Variants in PIK3R5 observed in about 807,000 individuals in gnomAD.
PIK3R5 encodes the protein phosphoinositide 3-kinase regulatory subunit 5.
A neutral mutation model predicts 94.9 loss-of-function variants in PIK3R5; 32 were observed. The ratio of observed to expected loss-of-function variants is 0.34; its 90% CI spans 0.25 to 0.45. PIK3R5 has a LOEUF of 0.45. PIK3R5 is among the 20% of genes least tolerant of loss of function. The probability of loss-of-function intolerance (pLI) is 1.00; values close to 1 mark genes in which losing one functional copy is unlikely to be tolerated. For missense variants in PIK3R5, 853 were observed against 1,144.6 expected, an observed-to-expected ratio of 0.75 and a Z score of 3.68; for synonymous variants, 443 against 479.4, an observed-to-expected ratio of 0.92 and a Z score of 0.99.
intron 1 of PIK3R5, among the ~76,000 whole-genome samples, chr17:8,947,498 C>T (rs555218746): frequency 5.1e-4 from 77 of 151,920 alleles, no homozygotes; most frequent in Non-Finnish European, 1.0e-3. Flanking sequence ...GAATTGTTTC[C>T]GTGCGTATCT....
chr17:8,897,535 G>C (rs1393823358), intron 5 of PIK3R5, among the ~76,000 whole-genome samples: 1 of 152,222 alleles, frequency 6.6e-6, no homozygotes, highest in East Asian at 1.9e-4. Context: ...CACCACCCTG[G>C]TGAGAGTCAC....
At chr17:8,901,232 C>G (rs977361977) in intron 5 of PIK3R5, among the ~76,000 whole-genome samples, 6 of 152,144 alleles carry the variant, frequency 3.9e-5, no homozygotes, top group Non-Finnish European at 5.9e-5. Flanking sequence ...GCTGGGTTGG[C>G]AAACCCAGCT....
In PIK3R5 at chr17:8,904,782, G is replaced by A; in HGVS notation, c.407C>T (p.Ala136Val). The stretch of plus-strand genomic sequence containing the variant: ...CCAGCTGCCTCAGTGCTTACCTGGG[G>A]CCTTGAGTTCAGCATCAATGAAGGT... ...LLTFIDAELK[A>V]PGISYQRLVR... Residue 136 changes from alanine (A) to valine (V), a missense_variant, in exon 5 of 19, where the codon GCC (alanine) becomes GTC (valine). Transcript: ENST00000447110. This position sits in a 1 kb window ranked among gnomAD's most constrained non-coding sequence, Gnocchi z 5.1. 6.2e-7 allele frequency: 1 copy of A among 1,614,134 alleles called. No homozygotes were observed. Among genetic ancestry groups the A allele is most frequent in the Non-Finnish European group, 8.5e-7 (1 of 1,180,000 alleles).
At chr17:8,960,705 T>C (rs1434411686) in intron 1 of PIK3R5, among the ~76,000 whole-genome samples, 3 of 152,218 alleles carry the variant, frequency 2.0e-5, no homozygotes, top group South Asian at 4.1e-4. Flanking sequence ...CTGGGCTCCA[T>C]GTGAGCCACC....
chr17:8,944,139 A>G (rs192109188), intron 1 of PIK3R5, among the ~76,000 whole-genome samples: 33 of 152,104 alleles, frequency 2.2e-4, no homozygotes, highest in Non-Finnish European at 3.7e-4. Context: ...GAGAGCATGT[A>G]TTTTGTCTTC....
intron 1 of PIK3R5, among the ~76,000 whole-genome samples, chr17:8,950,906 G>A (rs923516484): frequency 3.3e-5 from 5 of 152,096 alleles, no homozygotes; most frequent in African/African-American, 4.8e-5. Flanking sequence ...ACTAATTTAC[G>A]CTCCCACCAA....
In PIK3R5 at chr17:8,882,917, C is replaced by G. The variant is rs893116250; in HGVS notation, c.2206-1036G>C. ...CCATGGCAACAGCCTCCTAACTGGCCTTCCTGCATCACTTGTGGACCCTTC... is the reference window on the plus strand; with the variant it reads ...CCATGGCAACAGCCTCCTAACTGGCGTTCCTGCATCACTTGTGGACCCTTC... On this transcript the variant is annotated intron_variant, in intron 15 of 18. Coordinates refer to ENST00000447110, the MANE Select transcript of PIK3R5 (RefSeq NM_001142633.3). This position sits in a 1 kb window ranked among gnomAD's most constrained non-coding sequence, Gnocchi z 4.1. Among the ~76,000 whole-genome samples, 26 of 152,212 alleles carry G rather than the reference C, an allele frequency of 1.7e-4. No individual in the cohort carries two copies. Among genetic ancestry groups the G allele is most frequent in the Non-Finnish European group, 2.9e-5 (2 of 68,048 alleles).
Position 8,955,324 on chromosome 17 carries a change from G to T in PIK3R5, c.-14+10272C>A, listed in dbSNP as rs2091451600. Reference sequence around the variant, plus strand: ...GCCCCTGCAAGGCACTGGAGAGTCAGCACTGAACAAAATGATTGGAAAGCT... The same window carrying T: ...GCCCCTGCAAGGCACTGGAGAGTCATCACTGAACAAAATGATTGGAAAGCT... On this transcript the variant is annotated intron_variant, in intron 1 of 18. Coordinates refer to ENST00000447110, the MANE Select transcript of PIK3R5 (RefSeq NM_001142633.3). The surrounding 1 kb of genome is among the most constrained non-coding windows in gnomAD (Gnocchi z 4.4). Among the ~76,000 whole-genome samples, 1 of 152,230 alleles carries T rather than the reference G, an allele frequency of 6.6e-6. No individual in the cohort carries two copies. Among genetic ancestry groups the T allele is most frequent in the African/African-American group, 2.4e-5 (1 of 41,456 alleles).
chr17:8,887,874 A>G (rs1413701059), intron 10 of PIK3R5, among the ~76,000 whole-genome samples, 191 bp from the exon 11 acceptor site: 1 of 150,540 alleles, frequency 6.6e-6, no homozygotes, highest in Non-Finnish European at 1.5e-5. Flanking sequence ...GGTGGTGTGC[A>G]CCTGTAATCC....
intron 1 of PIK3R5, among the ~76,000 whole-genome samples, chr17:8,956,898 C>A (rs1238414402): frequency 6.6e-6 from 1 of 152,170 alleles, no homozygotes; most frequent in African/African-American, 2.4e-5. Flanking sequence ...GAACAAGAGA[C>A]CTCAAGAAAA....
Position 8,955,254 on chromosome 17 carries a change from AG to A in PIK3R5, c.-14+10341del, listed in dbSNP as rs1158545894. Among the ~76,000 whole-genome samples the A allele has an allele frequency of 6.6e-6, 1 of 152,230 alleles. No homozygotes were observed. Among genetic ancestry groups the A allele is most frequent in the Non-Finnish European group, 1.5e-5 (1 of 68,028 alleles). The stretch of plus-strand genomic sequence containing the variant: ...CCTCTTCCATGCTGGCTGCTCGACC[AG>A]GCAATCACTCATTCAGCAAGCACTG... On this transcript the variant is annotated intron_variant, in intron 1 of 18. Coordinates refer to ENST00000447110, the MANE Select transcript of PIK3R5 (RefSeq NM_001142633.3). This position sits in a 1 kb window ranked among gnomAD's most constrained non-coding sequence, Gnocchi z 4.4.
At chr17:8,954,595 G>C (rs915753509) in intron 1 of PIK3R5, among the ~76,000 whole-genome samples, 2 of 152,216 alleles carry the variant, frequency 1.3e-5, no homozygotes, top group Non-Finnish European at 2.9e-5. Context: ...CCTGCTCTCA[G>C]ACTTAGCTAA....
At chr17:8,937,757 G>T (rs1428140050) in intron 1 of PIK3R5, among the ~76,000 whole-genome samples, 1 of 152,146 alleles carries the variant, frequency 6.6e-6, no homozygotes, top group Non-Finnish European at 1.5e-5. Context: ...GAATGAGTTA[G>T]GAAGCACTCC....
chr17:8,914,168 T>C (rs61758027), intron 1 of PIK3R5, among the ~76,000 whole-genome samples: 5,834 of 152,038 alleles, frequency 0.038, 157 homozygotes, highest in Non-Finnish European at 0.053. Context: ...CAGGCTGATT[T>C]CTCCCAGGTT....
chr17:8,958,784 G>A (rs1301825647), intron 1 of PIK3R5, among the ~76,000 whole-genome samples: 1 of 147,174 alleles, frequency 6.8e-6, no homozygotes, highest in Non-Finnish European at 1.5e-5. Context: ...CTGAGATGAA[G>A]TTTCCCTCTT....
intron 1 of PIK3R5, among the ~76,000 whole-genome samples, chr17:8,930,821 C>T (rs748697410): frequency 5.9e-5 from 9 of 152,112 alleles, no homozygotes; most frequent in Non-Finnish European, 1.3e-4. Context: ...TTTGAAGTGA[C>T]AAAATTATAG....
rs774607077 is a variant in PIK3R5, at chr17:8,893,983, G to A, written c.413-328C>T. 2.3e-4 allele frequency: 47 copies of A among 205,432 alleles called. No homozygotes were observed. Among genetic ancestry groups the A allele is most frequent in the Non-Finnish European group, 3.7e-4 (37 of 100,662 alleles). 12.7% of individuals were successfully genotyped at this position (205,432 alleles called of 1,614,324 possible). On this transcript the variant is annotated intron_variant, in intron 5 of 18. Transcript: ENST00000447110. This position sits in a 1 kb window ranked among gnomAD's most constrained non-coding sequence, Gnocchi z 5.1. ...CCACTCCCCTTGTGGCTCAGGTCCCGGCTCCAGGCTTGGAGGCAGCCTAGC... is the reference window on the plus strand; with the variant it reads ...CCACTCCCCTTGTGGCTCAGGTCCCAGCTCCAGGCTTGGAGGCAGCCTAGC...
chr17:8,884,893 C>A lies in PIK3R5; in HGVS notation c.2129-110G>T. 2.4e-6 allele frequency: 2 copies of A among 831,850 alleles called. No homozygotes were observed. Among genetic ancestry groups the A allele is most frequent in the Non-Finnish European group, 2.0e-6 (1 of 497,886 alleles). 51.5% of individuals were successfully genotyped at this position (831,850 alleles called of 1,614,324 possible). ...ACCTCCCCATCCCCTACCACATGGACCGTGACTCCCTAGGGATCTGTCTCA... is the reference window on the plus strand; with the variant it reads ...ACCTCCCCATCCCCTACCACATGGAACGTGACTCCCTAGGGATCTGTCTCA... On this transcript the variant is annotated intron_variant, in intron 14 of 18. Coordinates refer to ENST00000447110, the MANE Select transcript of PIK3R5 (RefSeq NM_001142633.3). The surrounding 1 kb of genome is among the most constrained non-coding windows in gnomAD (Gnocchi z 5.8).
At chr17:8,937,953 G>T (rs988926568) in intron 1 of PIK3R5, among the ~76,000 whole-genome samples, 4 of 152,162 alleles carry the variant, frequency 2.6e-5, no homozygotes, top group African/African-American at 9.7e-5. Context: ...GGGATTACAG[G>T]CACCTGCCAC....
Sources: gnomAD v4.1 joint callset for allele counts (sites outside exome capture counted in the v4.1 genomes callset) on GRCh38, gnomAD v4.1.1 for gene constraint, Gnocchi (gnomAD v3.1) non-coding constraint, MANE v1.5 for transcripts, NCBI Gene and HGNC (gene_info 2026-07-23, HGNC 2026-07-21) for gene names.